The following GAS2 variants were observed in gnomAD, a reference collection of about 807,000 sequenced individuals.
The protein encoded by GAS2 is growth arrest specific 2.
In GAS2, 20 loss-of-function variants were observed where a neutral mutation model predicts 37.5. The ratio of observed to expected loss-of-function variants is 0.53; its 90% CI spans 0.37 to 0.77. The LOEUF (loss-of-function observed/expected upper bound fraction) is 0.77, where lower values mean the gene tolerates loss of function less well. Ranked by LOEUF, GAS2 falls within the 30% of genes least tolerant of loss-of-function variation. The pLI is 0.00. For synonymous variants in GAS2, 144 were observed against 132.2 expected (o/e 1.09, Z -0.61); for missense variants, 336 against 373.4 (o/e 0.90, Z 0.82).
chr11:22,741,109 G>A (rs552488029), intron 5 of GAS2, among the ~76,000 whole-genome samples: 4 of 152,162 alleles, frequency 2.6e-5, no homozygotes, highest in Admixed American at 6.5e-5. Flanking sequence ...TTTTCCTCTC[G>A]GGACACTTAG....
At position 22,704,208 on chromosome 11, in the gene GAS2, CA is replaced by C. The variant is rs553111281; in HGVS notation, c.267+18420del. Among the ~76,000 whole-genome samples, 295 of 152,054 alleles carry C rather than the reference CA, an allele frequency of 1.9e-3. 2 individuals carry two copies. Among genetic ancestry groups the C allele is most frequent in the African/African-American group, 6.8e-3 (284 of 41,510 alleles). ...CAGGATCACTTAAGTGCTTTTGTGC[CA>C]TGTTCTTTTAGGCACTTGGGTGAAG... On this transcript the variant is annotated intron_variant, in intron 3 of 7. Transcript: ENST00000454584.
At chr11:22,808,515 A>T (rs1856999391) in intron 7 of GAS2, among the ~76,000 whole-genome samples, 1 of 152,222 alleles carries the variant, frequency 6.6e-6, no homozygotes. Context: ...TTCATTAAGA[A>T]ATTAGCAAAC....
intron 3 of GAS2, among the ~76,000 whole-genome samples, chr11:22,713,576 A>G (rs1335255436): frequency 6.6e-6 from 1 of 152,178 alleles, no homozygotes; most frequent in African/African-American, 2.4e-5. Flanking sequence ...TCTAAAGTCA[A>G]GATGAAGGAA....
intron 1 of GAS2, among the ~76,000 whole-genome samples, chr11:22,632,941 G>A (rs993019688): frequency 6.6e-6 from 1 of 151,616 alleles, no homozygotes; most frequent in South Asian, 2.1e-4. Context: ...ATCTGTTTAG[G>A]AAATCTTTCA....
upstream of GAS2, among the ~76,000 whole-genome samples, chr11:22,663,185 G>A (rs541278755): frequency 6.6e-6 from 1 of 152,148 alleles, no homozygotes; most frequent in East Asian, 1.9e-4. Context: ...ACAGCATGCG[G>A]GAAACGGACC....
intron 7 of GAS2, among the ~76,000 whole-genome samples, chr11:22,757,619 C>T (rs934437847): frequency 4.6e-5 from 7 of 152,104 alleles, no homozygotes; most frequent in African/African-American, 1.2e-4. Flanking sequence ...AGTGTCTTAA[C>T]GAACGTTAAT....
At chr11:22,743,471 C>T (rs79936441) in intron 5 of GAS2, among the ~76,000 whole-genome samples, 2,102 of 152,118 alleles carry the variant, frequency 0.014, 57 homozygotes, top group African/African-American at 0.048. Context: ...TCTAATAATA[C>T]TAAAACATAG....
intron 7 of GAS2, among the ~76,000 whole-genome samples, chr11:22,802,798 A>G: frequency 6.6e-6 from 1 of 152,160 alleles, no homozygotes; most frequent in South Asian, 2.1e-4. Flanking sequence ...GTTTCAGTCA[A>G]TAAGAATGGT....
At chr11:22,681,626 T>C (rs1849688024) in intron 2 of GAS2, among the ~76,000 whole-genome samples, 1 of 152,128 alleles carries the variant, frequency 6.6e-6, no homozygotes, top group Non-Finnish European at 1.5e-5. Flanking sequence ...AGGGAAGAAA[T>C]GATTCTCTGG....
chr11:22,646,887 C>T (rs1450466498), intron 1 of GAS2, among the ~76,000 whole-genome samples: 3 of 150,274 alleles, frequency 2.0e-5, no homozygotes, highest in African/African-American at 7.3e-5. Flanking sequence ...CTCTTTCTTT[C>T]TTTTTCTTTC....
At chr11:22,791,730 C>T (rs1856172994) in intron 7 of GAS2, among the ~76,000 whole-genome samples, 1 of 152,158 alleles carries the variant, frequency 6.6e-6, no homozygotes, top group Non-Finnish European at 1.5e-5. Context: ...GAATGAGTTA[C>T]ACTATTGCCA....
At chr11:22,807,635 G>A (rs1226608100) in intron 7 of GAS2, among the ~76,000 whole-genome samples, 4 of 152,160 alleles carry the variant, frequency 2.6e-5, no homozygotes, top group East Asian at 3.9e-4. Flanking sequence ...TGCTCTCTGC[G>A]TGGAAAGTCA....
intron 2 of GAS2, among the ~76,000 whole-genome samples, chr11:22,682,888 G>GAAAAAAA (rs57025584): frequency 3.9e-5 from 4 of 102,362 alleles, no homozygotes; most frequent in Non-Finnish European, 6.1e-5. Context: ...AAAAAAAAAG[G>GAAAAAAA]AAAAAAAAAA....
chr11:22,653,682 A>G (rs1389710437), intron 1 of GAS2, among the ~76,000 whole-genome samples: 1 of 152,196 alleles, frequency 6.6e-6, no homozygotes, highest in Non-Finnish European at 1.5e-5. Flanking sequence ...CTAGTCTAAG[A>G]GAAAAGAAGC....
chr11:22,697,658 A>C (rs1394622109), intron 3 of GAS2, among the ~76,000 whole-genome samples: 1 of 152,120 alleles, frequency 6.6e-6, no homozygotes, highest in Non-Finnish European at 1.5e-5. Flanking sequence ...GAGGTCCTTC[A>C]CGTCCCTTGT....
intron 5 of GAS2, among the ~76,000 whole-genome samples, chr11:22,747,053 G>T (rs910053363): frequency 2.0e-5 from 3 of 152,088 alleles, no homozygotes; most frequent in African/African-American, 7.2e-5. Flanking sequence ...TCTAGTTTTG[G>T]ACAAGGTTGA....
At chr11:22,765,795 A>G (rs1854659228) in intron 7 of GAS2, among the ~76,000 whole-genome samples, 1 of 151,538 alleles carries the variant, frequency 6.6e-6, no homozygotes, top group African/African-American at 2.4e-5. Flanking sequence ...AAAAGAAAAG[A>G]CAGACCTGAG....
chr11:22,641,322 C>CTTTATATATATTTATATATATA (rs56058813), intron 1 of GAS2, among the ~76,000 whole-genome samples: 1 of 140,324 alleles, frequency 7.1e-6, no homozygotes, highest in Non-Finnish European at 1.5e-5. Flanking sequence ...ATTTATATAT[C>CTTTATATATATTTATATATATA]TTTATATATA....
intron 1 of GAS2, chr11:22,626,048 C>T (rs1565056104): frequency 8.8e-6 from 5 of 566,478 alleles, no homozygotes; most frequent in Non-Finnish European, 1.6e-5. Context: ...TGTAGGGCAT[C>T]CTACCGAGAA....
Sources: allele counts gnomAD v4.1 joint callset (sites outside exome capture counted in the v4.1 genomes callset), GRCh38; gene constraint gnomAD v4.1.1; transcripts MANE v1.5; gene names NCBI Gene and HGNC (gene_info 2026-07-23, HGNC 2026-07-21).